Variants in MEF2A observed in about 807,000 individuals in gnomAD.
MEF2A encodes myocyte-specific enhancer factor 2A.
MEF2A carries 28 observed loss-of-function variants against 55.8 expected under a neutral mutation model. That is an observed-to-expected ratio of 0.50 (90% confidence interval 0.37 to 0.69). The LOEUF is 0.69. MEF2A is among the 30% of genes least tolerant of loss of function. The pLI is 0.00. For synonymous variants in MEF2A, 239 were observed against 227.1 expected, an observed-to-expected ratio of 1.05 and a Z score of -0.47; for missense variants, 528 against 626.2, an observed-to-expected ratio of 0.84 and a Z score of 1.67.
rs546931305 is a variant in MEF2A, at chr15:99,715,908, A to T, written c.*3137A>T. 6.6e-6 allele frequency: 1 copy of T among 152,468 alleles called. No individual in the cohort carries two copies. Among genetic ancestry groups the T allele is most frequent in the Non-Finnish European group, 1.5e-5 (1 of 68,304 alleles). The allele number at this position is 152,468 out of a possible 1,614,324, so 9.4% of individuals were successfully genotyped here. A position where few individuals can be genotyped will look rare whatever the true frequency, so the allele number is the denominator to read the frequency against. On this transcript the variant is annotated 3_prime_UTR_variant, in exon 12 of 12. Transcript: ENST00000557942. ...ATTATGTCCATTTTGTTATAGACTA[A>T]ATCAGGGGTTTGTTCTACAAGAACA...
At position 99,645,541 on chromosome 15, in the gene MEF2A, A is replaced by G. The variant is rs145286054; in HGVS notation, c.55-20A>G. ...TACTACTAATGCTTTTAATAAAAAT[A>G]TACCTTTTTTATTGTTTAGGTCACT... On this transcript the variant is annotated intron_variant, in intron 3 of 11. Coordinates refer to ENST00000557942, the MANE Select transcript of MEF2A (RefSeq NM_001319206.4). 81 of 1,547,104 alleles carry G rather than the reference A, an allele frequency of 5.2e-5. 1 individual carries two copies. The African/African-American group carries it at 6.9e-4, about 13-fold the overall frequency.
At chr15:99,569,423 C>A (rs2152697970) in intron 1 of MEF2A, among the ~76,000 whole-genome samples, 1 of 152,288 alleles carries the variant, frequency 6.6e-6, no homozygotes, top group East Asian at 1.9e-4. Context: ...ATAGAGAATG[C>A]TTAATGTGTT....
intron 1 of MEF2A, among the ~76,000 whole-genome samples, chr15:99,597,279 C>G (rs1971517532): frequency 6.6e-6 from 1 of 152,096 alleles, no homozygotes; most frequent in South Asian, 2.1e-4. Context: ...GGGGGTGGGT[C>G]TCTGAACTGG....
chr15:99,570,923 G>A (rs1225374877), intron 1 of MEF2A, among the ~76,000 whole-genome samples: 6 of 152,114 alleles, frequency 3.9e-5, no homozygotes, highest in African/African-American at 1.4e-4. Context: ...GGTGGCTCAT[G>A]CCTGTAATTC....
At chr15:99,684,301 A>C (rs1338002071) in intron 7 of MEF2A, among the ~76,000 whole-genome samples, 1 of 152,136 alleles carries the variant, frequency 6.6e-6, no homozygotes, top group Non-Finnish European at 1.5e-5. Context: ...TGTTTTCTTT[A>C]GTGGTTATAC....
chr15:99,604,694 G>A (rs1360215516), intron 2 of MEF2A, among the ~76,000 whole-genome samples: 1 of 149,998 alleles, frequency 6.7e-6, no homozygotes, highest in African/African-American at 2.4e-5. Flanking sequence ...TGACATTGTT[G>A]GGCTTAGGGG....
chr15:99,673,114 CA>C (rs1409153813), intron 5 of MEF2A, among the ~76,000 whole-genome samples: 1 of 152,180 alleles, frequency 6.6e-6, no homozygotes, highest in Non-Finnish European at 1.5e-5. Flanking sequence ...TGTATGCCTG[CA>C]TTTCCACATG....
chr15:99,579,616 G>A (rs1965340016), intron 1 of MEF2A, among the ~76,000 whole-genome samples: 1 of 152,028 alleles, frequency 6.6e-6, no homozygotes, highest in South Asian at 2.1e-4. Context: ...GCCTGGTCTC[G>A]GACTCCCGGC....
At chr15:99,620,154 A>G (rs948460837) in intron 2 of MEF2A, among the ~76,000 whole-genome samples, 3 of 152,178 alleles carry the variant, frequency 2.0e-5, no homozygotes, top group Admixed American at 6.5e-5. Context: ...ATATGCTGCT[A>G]GTCTTTTATC....
intron 3 of MEF2A, among the ~76,000 whole-genome samples, chr15:99,643,971 A>G (rs1318288159): frequency 2.0e-5 from 3 of 152,344 alleles, no homozygotes; most frequent in African/African-American, 7.2e-5. Context: ...CACAATTTAC[A>G]TGTAAATATG....
At chr15:99,684,360 T>C (rs558551497) in intron 7 of MEF2A, among the ~76,000 whole-genome samples, 40 of 152,362 alleles carry the variant, frequency 2.6e-4, no homozygotes, top group Admixed American at 2.1e-3. Flanking sequence ...TTTCACCATA[T>C]CCATGCCAAC....
intron 1 of MEF2A, among the ~76,000 whole-genome samples, chr15:99,567,703 A>G (rs1960326213): frequency 6.7e-6 from 1 of 150,228 alleles, no homozygotes; most frequent in African/African-American, 2.5e-5. Flanking sequence ...TTTTCTGTAA[A>G]TTACAACTTT....
In MEF2A at chr15:99,643,078, A is replaced by C. The variant is rs2053118; in HGVS notation, c.55-2483A>C. Among the ~76,000 whole-genome samples the C allele has an allele frequency of 2.6e-5, 4 of 152,186 alleles. No homozygotes were observed. In the East Asian group the frequency reaches 7.7e-4, roughly 29 times the overall value. ...ACATCATTTTAATGTAATTGAAATC[A>C]GTTTAAAAATATTGTCTTAGAATAA... On this transcript the variant is annotated intron_variant, in intron 3 of 11. Coordinates refer to ENST00000557942, the MANE Select transcript of MEF2A (RefSeq NM_001319206.4).
chr15:99,573,337 A>G (rs1391370208), intron 1 of MEF2A, among the ~76,000 whole-genome samples: 4 of 151,886 alleles, frequency 2.6e-5, no homozygotes, highest in Non-Finnish European at 4.4e-5. Flanking sequence ...GAAATAACCA[A>G]CCACAGACCA....
At chr15:99,605,994 C>G (rs1169098996) in intron 2 of MEF2A, among the ~76,000 whole-genome samples, 1 of 152,080 alleles carries the variant, frequency 6.6e-6, no homozygotes, top group African/African-American at 2.4e-5. Context: ...GAAAGAAGAT[C>G]AGAGTGGAAG....
Position 99,712,356 on chromosome 15 carries a change from A to C in MEF2A, c.1137-34A>C. The C allele has an allele frequency of 6.7e-7, 1 of 1,492,998 alleles. No individual in the cohort carries two copies. Among genetic ancestry groups the C allele is most frequent in the Non-Finnish European group, 9.0e-7 (1 of 1,115,322 alleles). 92.5% of individuals were successfully genotyped at this position (1,492,998 alleles called of 1,614,324 possible). On this transcript the variant is annotated intron_variant, in intron 11 of 11. Transcript: ENST00000557942. This position sits in a 1 kb window ranked among gnomAD's most constrained non-coding sequence, Gnocchi z 4.1. The stretch of plus-strand genomic sequence containing the variant: ...ATCCCAGTTTTGCAGAGGTACTTGC[A>C]AGCCATCTGACCTCTCTCTTTTTTT...
At chr15:99,610,564 C>G (rs980939551) in intron 2 of MEF2A, among the ~76,000 whole-genome samples, 5 of 152,052 alleles carry the variant, frequency 3.3e-5, no homozygotes, top group African/African-American at 1.2e-4. Flanking sequence ...TACAAAGCTA[C>G]TGTAACCTAG....
intron 1 of MEF2A, among the ~76,000 whole-genome samples, chr15:99,588,002 A>G (rs1418580363): frequency 6.6e-6 from 1 of 152,204 alleles, no homozygotes; most frequent in Admixed American, 6.5e-5. Context: ...GTTTTGTTCC[A>G]GTCTTAGAGG....
At chr15:99,616,699 A>G (rs1404060404) in intron 2 of MEF2A, among the ~76,000 whole-genome samples, 2 of 152,044 alleles carry the variant, frequency 1.3e-5, no homozygotes, top group South Asian at 4.1e-4. Context: ...ATATACACCC[A>G]TCATGTGCCT....
Sources: allele counts gnomAD v4.1 joint callset (sites outside exome capture counted in the v4.1 genomes callset), GRCh38; gene constraint gnomAD v4.1.1; non-coding constraint Gnocchi (gnomAD v3.1); transcripts MANE v1.5; gene names NCBI Gene and HGNC (gene_info 2026-07-23, HGNC 2026-07-21).